The following SSBP3 variants were observed in gnomAD, a reference collection of about 807,000 sequenced individuals.
The protein encoded by SSBP3 is single-stranded DNA-binding protein 3.
SSBP3 carries 5 observed loss-of-function variants against 69.6 expected under a neutral mutation model. That is an observed-to-expected ratio of 0.07 (90% CI 0.04 to 0.15). SSBP3 has a LOEUF of 0.15. Ranked by LOEUF, SSBP3 falls within the 10% of genes least tolerant of loss-of-function variation. SSBP3 has a pLI of 1.00. For synonymous variants in SSBP3, 196 were observed against 193.4 expected (o/e 1.01, Z -0.11); for missense variants, 312 against 534.0 (o/e 0.58, Z 4.10).
chr1:54,315,975 C>T (rs981649239), intron 4 of SSBP3, among the ~76,000 whole-genome samples: 9 of 152,116 alleles, frequency 5.9e-5, no homozygotes, highest in South Asian at 2.1e-4. Flanking sequence ...ACAACCCTCC[C>T]GAAAATAATT....
At chr1:54,241,101 C>A in intron 12 of SSBP3, 142 bp from the exon 13 acceptor site, 1 of 879,242 alleles carries the variant, frequency 1.1e-6, no homozygotes, top group Non-Finnish European at 1.7e-6. Context: ...CCAGCGCTCA[C>A]TCAAAGTACT....
chr1:54,352,760 A>G (rs1364543112), intron 4 of SSBP3, among the ~76,000 whole-genome samples: 1 of 152,210 alleles, frequency 6.6e-6, no homozygotes, highest in Non-Finnish European at 1.5e-5. Flanking sequence ...GACAACACAA[A>G]ACCTCAGAAC....
At position 54,258,038 on chromosome 1, in the gene SSBP3, C is replaced by T; in HGVS notation, c.447+31G>A. The T allele has an allele frequency of 6.4e-7, 1 of 1,561,418 alleles. No homozygotes were observed. The highest frequency in any genetic ancestry group is 2.1e-4 in the Middle Eastern group (1 of 4,698). ...TCTGCTTCCTCCGCGCCCCGCGTCC[C>T]CGGCGGGCGGGAGCGCCACGGTGCG... is the stretch of plus-strand genomic sequence containing the variant. On this transcript the variant is annotated intron_variant, in intron 6 of 17. Coordinates refer to ENST00000610401, the Ensembl canonical transcript of SSBP3. The surrounding 1 kb of genome is among the most constrained non-coding windows in gnomAD (Gnocchi z 4.5).
intron 4 of SSBP3, among the ~76,000 whole-genome samples, chr1:54,289,987 T>C (rs1287254305): frequency 3.3e-5 from 5 of 151,942 alleles, no homozygotes; most frequent in African/African-American, 9.7e-5. Flanking sequence ...CTTCCAACAA[T>C]CCACAGTCAC....
At chr1:54,303,668 G>A (rs772515789) in intron 4 of SSBP3, among the ~76,000 whole-genome samples, 14 of 152,108 alleles carry the variant, frequency 9.2e-5, no homozygotes, top group Non-Finnish European at 1.8e-4. Context: ...ACACGGTCCT[G>A]CATGGAAGCC....
At chr1:54,233,396 C>CT (rs1462914908) in intron 14 of SSBP3, among the ~76,000 whole-genome samples, 3 of 150,616 alleles carry the variant, frequency 2.0e-5, no homozygotes, top group East Asian at 4.0e-4. Flanking sequence ...GCTGCCCCGT[C>CT]TGAGAAGTGA....
At chr1:54,362,680 C>T (rs1329598858) in intron 4 of SSBP3, among the ~76,000 whole-genome samples, 1 of 152,178 alleles carries the variant, frequency 6.6e-6, no homozygotes, top group African/African-American at 2.4e-5. Context: ...AAATAGCAGG[C>T]CCCCAAATCT....
At chr1:54,380,712 G>A (rs1168490521) in intron 4 of SSBP3, among the ~76,000 whole-genome samples, 2 of 152,138 alleles carry the variant, frequency 1.3e-5, no homozygotes, top group Admixed American at 6.5e-5. Context: ...CCTCAGAGGT[G>A]ACCACAGCCT....
At chr1:54,326,120 C>T (rs1646298734) in intron 4 of SSBP3, among the ~76,000 whole-genome samples, 2 of 152,164 alleles carry the variant, frequency 1.3e-5, no homozygotes, top group Non-Finnish European at 2.9e-5. Flanking sequence ...AATCTCCCTC[C>T]TGGAGCTCAG....
intron 4 of SSBP3, among the ~76,000 whole-genome samples, chr1:54,297,779 C>A (rs1465612165): frequency 6.6e-6 from 1 of 152,218 alleles, no homozygotes; most frequent in Non-Finnish European, 1.5e-5. Flanking sequence ...GAAGGCCCTT[C>A]CCTGTACCCA....
intron 4 of SSBP3, among the ~76,000 whole-genome samples, chr1:54,298,831 G>A (rs1341565485): frequency 2.0e-5 from 3 of 151,948 alleles, no homozygotes; most frequent in East Asian, 3.9e-4. Flanking sequence ...AATACGCGTC[G>A]CCCACTTCTC....
At chr1:54,241,446 A>C in intron 12 of SSBP3, 28 bp downstream of exon 12, 1 of 1,613,734 alleles carries the variant, frequency 6.2e-7, no homozygotes, top group Non-Finnish European at 8.5e-7. Context: ...GTGGCTAGAC[A>C]TGCAATGCCC....
intron 4 of SSBP3, among the ~76,000 whole-genome samples, chr1:54,312,112 G>A (rs1646013877): frequency 6.6e-6 from 1 of 152,162 alleles, no homozygotes; most frequent in African/African-American, 2.4e-5. Flanking sequence ...TCTCAAGGAG[G>A]GTGCAGCTTG....
intron 4 of SSBP3, among the ~76,000 whole-genome samples, chr1:54,337,760 G>C (rs1646536301): frequency 1.3e-5 from 2 of 152,010 alleles, no homozygotes; most frequent in Non-Finnish European, 2.9e-5. Context: ...CTCCCAAAGG[G>C]CTGGGATGAT....
chr1:54,321,820 T>C (rs1189634953), intron 4 of SSBP3, among the ~76,000 whole-genome samples: 2 of 152,110 alleles, frequency 1.3e-5, no homozygotes, highest in Admixed American at 6.5e-5. Context: ...AGGCTCAAGA[T>C]AGAATGTCCC....
rs1485603032 is a variant in SSBP3, at chr1:54,240,831, C to T, written c.856+74G>A. On this transcript the variant is annotated intron_variant, in intron 13 of 17. Coordinates refer to ENST00000610401, the Ensembl canonical transcript of SSBP3. ...GTAAGCTCTGGCTCTGCAACAGTGC[C>T]CCTCCAGGTCTCTCTGGCAACATGC... 5.0e-6 allele frequency: 8 copies of T among 1,589,194 alleles called. No individual in the cohort carries two copies. In the Admixed American group the frequency reaches 1.0e-4, roughly 20 times the overall value.
At chr1:54,362,820 A>G (rs979235299) in intron 4 of SSBP3, among the ~76,000 whole-genome samples, 2 of 152,166 alleles carry the variant, frequency 1.3e-5, no homozygotes, top group Non-Finnish European at 2.9e-5. Flanking sequence ...TCCTGCTTTC[A>G]GTGGTGGGCT....
chr1:54,266,661 G>T (rs1224665414), intron 5 of SSBP3, among the ~76,000 whole-genome samples: 1 of 152,160 alleles, frequency 6.6e-6, no homozygotes, highest in Non-Finnish European at 1.5e-5. Context: ...TAAGACAAAT[G>T]AAGCAAAAGT....
chr1:54,406,852 C>A (rs1254630210), upstream of SSBP3, among the ~76,000 whole-genome samples: 1 of 151,768 alleles, frequency 6.6e-6, no homozygotes, highest in Non-Finnish European at 1.5e-5. Context: ...AGCTCCCCCC[C>A]GCCGCGGCCC....
Sources: allele counts gnomAD v4.1 joint callset (sites outside exome capture counted in the v4.1 genomes callset), GRCh38; gene constraint gnomAD v4.1.1; non-coding constraint Gnocchi (gnomAD v3.1); transcripts MANE v1.5; gene names NCBI Gene and HGNC (gene_info 2026-07-23, HGNC 2026-07-21).